Variants in PLCD4 observed in about 807,000 individuals in gnomAD.
PLCD4 encodes the protein 1-phosphatidylinositol 4,5-bisphosphate phosphodiesterase delta-4.
Under a neutral mutation model 90.2 loss-of-function variants are expected in PLCD4, and 63 were observed. That is an observed-to-expected ratio of 0.70 (90% CI 0.57 to 0.86). PLCD4 has a LOEUF of 0.86. PLCD4 is among the 40% of genes least tolerant of loss of function. The probability of loss-of-function intolerance (pLI) is 0.00; values close to 1 mark genes in which losing one functional copy is unlikely to be tolerated. For missense variants in PLCD4, 830 were observed against 956.3 expected (o/e 0.87, Z 1.74); for synonymous variants, 294 against 356.5 (o/e 0.82, Z 1.97).
chr2:218,622,542 C>A, intron 5 of PLCD4, 105 bp from the exon 6 acceptor site: 1 of 633,596 alleles, frequency 1.6e-6, no homozygotes, highest in Non-Finnish European at 2.6e-6. Flanking sequence ...TAAATATATA[C>A]ACCTACTATG....
intron 7 of PLCD4, chr2:218,628,678 TG>T (rs1298793021): frequency 6.1e-6 from 1 of 163,422 alleles, no homozygotes; most frequent in Non-Finnish European, 1.3e-5. Context: ...CTATTCTGTC[TG>T]GGTTGTTGTG....
Position 218,634,442 on chromosome 2 carries a change from C to T in PLCD4, c.1724-16C>T. 1 of 1,606,886 alleles carries T rather than the reference C, an allele frequency of 6.2e-7. No homozygotes were observed. The highest frequency in any genetic ancestry group is 8.5e-7 in the Non-Finnish European group (1 of 1,176,624). Reference sequence around the variant, plus strand: ...CCATGGTGAATCTTGCTCTTCTTTTCTCCTGGGGCCCTCAGTGGCCATGAA... The same window carrying T: ...CCATGGTGAATCTTGCTCTTCTTTTTTCCTGGGGCCCTCAGTGGCCATGAA... On this transcript the variant is annotated splice_polypyrimidine_tract_variant and intron_variant, in intron 12 of 15. Transcript: ENST00000450993. The surrounding 1 kb of genome is among the most constrained non-coding windows in gnomAD (Gnocchi z 4.0).
At chr2:218,621,195 A>C (rs930500390) in intron 4 of PLCD4, among the ~76,000 whole-genome samples, 6 of 152,164 alleles carry the variant, frequency 3.9e-5, no homozygotes, top group African/African-American at 1.4e-4. Context: ...GGCCTTCCAA[A>C]GTGTTGGGTT....
intron 1 of PLCD4, among the ~76,000 whole-genome samples, chr2:218,611,099 T>A (rs552662566): frequency 1.3e-5 from 2 of 152,318 alleles, no homozygotes; most frequent in African/African-American, 4.8e-5. Flanking sequence ...TTACTTCACC[T>A]AACCTTTCTA....
chr2:218,627,520 CT>C (rs980413681), intron 6 of PLCD4, among the ~76,000 whole-genome samples: 7 of 148,524 alleles, frequency 4.7e-5, no homozygotes, highest in East Asian at 2.0e-4. Context: ...CTCAAATGAA[CT>C]TTTTTTTTTG....
chr2:218,627,713 C>T (rs530139622), intron 6 of PLCD4, among the ~76,000 whole-genome samples: 7 of 152,178 alleles, frequency 4.6e-5, no homozygotes, highest in South Asian at 2.1e-4. Context: ...GGGGTTTCAC[C>T]GTGTTAGACA....
intron 6 of PLCD4, among the ~76,000 whole-genome samples, chr2:218,623,083 G>T (rs1246760414): frequency 6.6e-6 from 1 of 152,208 alleles, no homozygotes; most frequent in Admixed American, 6.5e-5. Flanking sequence ...TTCCTCTGAG[G>T]TGCTAGACCT....
chr2:218,615,163 T>C (rs71415849), intron 1 of PLCD4, among the ~76,000 whole-genome samples: 6,121 of 152,038 alleles, frequency 0.04, 161 homozygotes, highest in East Asian at 0.12. Flanking sequence ...GGAGTTGCAG[T>C]GAGCTGAGAT....
intron 1 of PLCD4, among the ~76,000 whole-genome samples, chr2:218,610,822 G>A (rs1232152054): frequency 1.3e-5 from 2 of 152,002 alleles, no homozygotes; most frequent in Non-Finnish European, 2.9e-5. Flanking sequence ...CCGCCTCCTG[G>A]GTTCAAGCAA....
At chr2:218,624,228 C>T (rs1395431127) in intron 6 of PLCD4, among the ~76,000 whole-genome samples, 3 of 152,184 alleles carry the variant, frequency 2.0e-5, no homozygotes, top group Non-Finnish European at 4.4e-5. Flanking sequence ...TGGGTCTAAA[C>T]TCTTACTCCC....
intron 4 of PLCD4, among the ~76,000 whole-genome samples, chr2:218,619,838 A>C (rs1299041067): frequency 6.6e-6 from 1 of 152,142 alleles, no homozygotes; most frequent in Admixed American, 6.6e-5. Context: ...ATAGTTCATT[A>C]CTAGAGAAGT....
intron 7 of PLCD4, chr2:218,629,316 G>C (rs1295367956): frequency 3.7e-6 from 2 of 538,254 alleles, no homozygotes; most frequent in African/African-American, 3.7e-5. Context: ...TGTGAGTCGG[G>C]TGGGCTGAAG....
chr2:218,632,475 T>C (rs1350238119), intron 10 of PLCD4, among the ~76,000 whole-genome samples, 163 bp downstream of exon 10: 2 of 152,108 alleles, frequency 1.3e-5, no homozygotes, highest in Non-Finnish European at 2.9e-5. Context: ...CAATATATAT[T>C]ATATACTGCC....
At chr2:218,624,818 T>C (rs1185369253) in intron 6 of PLCD4, among the ~76,000 whole-genome samples, 2 of 151,350 alleles carry the variant, frequency 1.3e-5, no homozygotes, top group African/African-American at 2.4e-5. Flanking sequence ...GTTTAAGAGA[T>C]AGAATCTCTA....
rs182832761 is a variant in PLCD4 at position 218,622,276 on chromosome 2, G to A, written c.541-371G>A. ...CTTCTGACATTTTAGGGGCCTTTGG[G>A]AGATTTAATTCTTTCTAGTTGAAAA... On this transcript the variant is annotated intron_variant, in intron 5 of 15. Coordinates refer to ENST00000450993, the MANE Select transcript of PLCD4 (RefSeq NM_032726.4). The A allele has an allele frequency of 1.4e-3, 224 of 160,678 alleles. 2 individuals are homozygous for A. The highest frequency in any genetic ancestry group is 6.3e-3 in the Middle Eastern group (2 of 318). 10.0% of individuals were successfully genotyped at this position (160,678 alleles called of 1,614,324 possible).
At chr2:218,610,821 G>A (rs1305794862) in intron 1 of PLCD4, among the ~76,000 whole-genome samples, 1 of 152,010 alleles carries the variant, frequency 6.6e-6, no homozygotes, top group Non-Finnish European at 1.5e-5. Flanking sequence ...TCCGCCTCCT[G>A]GGTTCAAGCA....
intron 7 of PLCD4, 107 bp from the exon 8 acceptor site, chr2:218,629,412 T>C (rs1192924244): frequency 1.5e-6 from 2 of 1,311,236 alleles, no homozygotes; most frequent in East Asian, 4.8e-5. Context: ...GGGGTCTGGA[T>C]GGGTAAGTGC....
intron 8 of PLCD4, 46 bp from the exon 9 acceptor site, chr2:218,630,604 A>T (rs573952350): frequency 6.2e-7 from 1 of 1,612,256 alleles, no homozygotes; most frequent in East Asian, 2.2e-5. Context: ...AGTAGGTTGC[A>T]GTGTTTTAGA....
chr2:218,628,449 A>T (rs1696212301), intron 7 of PLCD4: 1 of 500,014 alleles, frequency 2.0e-6, no homozygotes, highest in Non-Finnish European at 3.6e-6. Flanking sequence ...AAGCTATGAA[A>T]CTCTCCTGGA....
Sources: allele counts gnomAD v4.1 joint callset (sites outside exome capture counted in the v4.1 genomes callset), GRCh38; gene constraint gnomAD v4.1.1; non-coding constraint Gnocchi (gnomAD v3.1); transcripts MANE v1.5; gene names NCBI Gene and HGNC (gene_info 2026-07-23, HGNC 2026-07-21).